Variants in PTER observed in about 807,000 individuals in gnomAD.
The protein encoded by PTER is N-acetyltaurine hydrolase.
Under a neutral mutation model 29.6 loss-of-function variants are expected in PTER, and 38 were observed. The ratio of observed to expected loss-of-function variants is 1.28; its 90% CI spans 0.99 to 1.68. The LOEUF (loss-of-function observed/expected upper bound fraction) is 1.68. Among genes scored for constraint, PTER ranks in the 40% most tolerant of loss-of-function variants. PTER has a pLI of 0.00. For synonymous variants in PTER, 172 were observed against 154.5 expected, an observed-to-expected ratio of 1.11 and a Z score of -0.84; for missense variants, 482 against 427.8, an observed-to-expected ratio of 1.13 and a Z score of -1.12.
chr10:16,493,984 G>A (rs534547229), intron 3 of PTER, among the ~76,000 whole-genome samples: 8 of 152,198 alleles, frequency 5.3e-5, no homozygotes, highest in Non-Finnish European at 1.2e-4. Context: ...AGCCTTCCAC[G>A]AGTAATTTTT....
intron 1 of PTER, among the ~76,000 whole-genome samples, chr10:16,480,471 C>T (rs1161308229): frequency 6.6e-6 from 1 of 152,146 alleles, no homozygotes; most frequent in Non-Finnish European, 1.5e-5. Context: ...GTTGGGATTA[C>T]AGGTGTGAGC....
At chr10:16,443,092 A>C (rs1833901728) in intron 1 of PTER, among the ~76,000 whole-genome samples, 1 of 152,224 alleles carries the variant, frequency 6.6e-6, no homozygotes, top group African/African-American at 2.4e-5. Flanking sequence ...TAGGGCTGCC[A>C]TCACAAAATA....
intron 1 of PTER, among the ~76,000 whole-genome samples, chr10:16,461,513 G>T (rs955731316): frequency 2.0e-5 from 3 of 152,086 alleles, no homozygotes; most frequent in African/African-American, 7.2e-5. Context: ...TTACAGATTT[G>T]CCCTTGACCC....
At chr10:16,495,631 C>T (rs1040946062) in intron 3 of PTER, among the ~76,000 whole-genome samples, 6 of 152,108 alleles carry the variant, frequency 3.9e-5, no homozygotes, top group Non-Finnish European at 8.8e-5. Context: ...TCAGGGAATG[C>T]AATTTATGAT....
chr10:16,518,741 C>G (rs1836990299), downstream of PTER, among the ~76,000 whole-genome samples: 1 of 151,984 alleles, frequency 6.6e-6, no homozygotes, highest in Non-Finnish European at 1.5e-5. Flanking sequence ...TAATTGATAC[C>G]TCTAAAAATC....
At chr10:16,495,726 TCA>T (rs1429512157) in intron 3 of PTER, among the ~76,000 whole-genome samples, 5 of 152,246 alleles carry the variant, frequency 3.3e-5, no homozygotes, top group Admixed American at 6.5e-5. Flanking sequence ...CCCAAGGAAT[TCA>T]CAGAGTCAAA....
At chr10:16,503,251 G>T (rs369618157) in intron 3 of PTER, among the ~76,000 whole-genome samples, 2 of 150,824 alleles carry the variant, frequency 1.3e-5, no homozygotes, top group East Asian at 4.0e-4. Context: ...TTTTGAGATG[G>T]AGTCTTGCTC....
At position 16,499,534 on chromosome 10, in the gene PTER, C is replaced by T. The variant is rs193189128; in HGVS notation, c.699-5486C>T. On this transcript the variant is annotated intron_variant, in intron 3 of 4. Coordinates refer to ENST00000535784, the MANE Select transcript of PTER (RefSeq NM_001261836.2). ...GTGACTCACTGCAGCCTCAACTTCC[C>T]GGGCTCCAACAATCCTCCCACCTCA... is the stretch of plus-strand genomic sequence containing the variant. 1.9e-3 allele frequency among the ~76,000 whole-genome samples: 287 copies of T among 151,940 alleles called. 3 individuals are homozygous for T. The highest frequency in any genetic ancestry group is 6.4e-3 in the African/African-American group (266 of 41,436).
At chr10:16,448,166 C>T (rs768644904) in intron 1 of PTER, among the ~76,000 whole-genome samples, 9 of 152,200 alleles carry the variant, frequency 5.9e-5, no homozygotes, top group Non-Finnish European at 1.0e-4. Context: ...CAGGGCCTTG[C>T]TCCAAAATCC....
chr10:16,472,408 G>C (rs537719595), intron 1 of PTER, among the ~76,000 whole-genome samples: 1 of 152,024 alleles, frequency 6.6e-6, no homozygotes, highest in East Asian at 1.9e-4. Context: ...TCACGGGGGC[G>C]GTTTCCCCCA....
At chr10:16,485,669 A>G (rs572825749) in intron 2 of PTER, among the ~76,000 whole-genome samples, 1 of 152,282 alleles carries the variant, frequency 6.6e-6, no homozygotes, top group South Asian at 2.1e-4. Flanking sequence ...GATGATGAGG[A>G]TTATATATTC....
intron 3 of PTER, 200 bp downstream of exon 3, chr10:16,486,817 C>T (rs1450960608): frequency 5.0e-6 from 3 of 595,068 alleles, no homozygotes; most frequent in Non-Finnish European, 8.7e-6. Flanking sequence ...TCCTCTGTGT[C>T]AGATAGTGTC....
chr10:16,443,996 A>C (rs549615357), intron 1 of PTER, among the ~76,000 whole-genome samples: 10 of 151,332 alleles, frequency 6.6e-5, no homozygotes, highest in Admixed American at 2.0e-4. Flanking sequence ...GGAAGCTAAA[A>C]ACTTTTTCTT....
intron 4 of PTER, among the ~76,000 whole-genome samples, chr10:16,510,027 C>T (rs1350111534): frequency 6.6e-6 from 1 of 152,054 alleles, no homozygotes; most frequent in African/African-American, 2.4e-5. Flanking sequence ...AAAAAAGATA[C>T]CTTTCAAATA....
intron 1 of PTER, among the ~76,000 whole-genome samples, chr10:16,469,299 G>A (rs1834960046): frequency 6.6e-6 from 1 of 152,186 alleles, no homozygotes; most frequent in South Asian, 2.1e-4. Flanking sequence ...TGGGTTCATA[G>A]GGTACTATCA....
intron 1 of PTER, among the ~76,000 whole-genome samples, chr10:16,479,093 A>AT (rs200974232): frequency 0.011 from 1,725 of 152,058 alleles, 29 homozygotes; most frequent in African/African-American, 0.04. Context: ...ATTTGAAAAA[A>AT]AAAAAGGAAA....
chr10:16,492,825 GA>G (rs1321258213), intron 3 of PTER, among the ~76,000 whole-genome samples: 2 of 152,208 alleles, frequency 1.3e-5, no homozygotes, highest in Non-Finnish European at 2.9e-5. Flanking sequence ...ATTCCTAGCT[GA>G]GGAAGGTAGA....
intron 1 of PTER, among the ~76,000 whole-genome samples, chr10:16,468,852 G>A (rs1019431252): frequency 1.3e-5 from 2 of 151,956 alleles, no homozygotes; most frequent in Admixed American, 6.6e-5. Context: ...ACGTGCACTT[G>A]TAGTCCCAAC....
downstream of PTER, among the ~76,000 whole-genome samples, chr10:16,516,053 GAA>G (rs1481978528): frequency 2.0e-5 from 3 of 152,120 alleles, no homozygotes; most frequent in Admixed American, 1.3e-4. Context: ...GTTAAAAAAA[GAA>G]GACTCTTTAA....
Sources: allele counts gnomAD v4.1 joint callset (sites outside exome capture counted in the v4.1 genomes callset), GRCh38; gene constraint gnomAD v4.1.1; transcripts MANE v1.5; gene names NCBI Gene and HGNC (gene_info 2026-07-23, HGNC 2026-07-21).